The following ARHGAP39 variants were observed in gnomAD, a reference collection of about 807,000 sequenced individuals.
The protein encoded by ARHGAP39 is rho GTPase-activating protein 39.
A neutral mutation model predicts 106.9 loss-of-function variants in ARHGAP39; 44 were observed. The ratio of observed to expected loss-of-function variants is 0.41; its 90% CI spans 0.32 to 0.53. ARHGAP39 has a LOEUF of 0.53. Ranked by LOEUF, ARHGAP39 falls within the 20% of genes least tolerant of loss-of-function variation. The pLI is 0.21. For synonymous variants in ARHGAP39, 768 were observed against 693.2 expected (o/e 1.11, Z -1.69); for missense variants, 1,496 against 1,577.3 (o/e 0.95, Z 0.87).
In ARHGAP39 at chr8:144,624,307, A is replaced by T. The variant is rs1820884959; in HGVS notation, c.-81-18612T>A. Among the ~76,000 whole-genome samples, 3 of 152,140 alleles carry T rather than the reference A, an allele frequency of 2.0e-5. No individual in the cohort carries two copies. The South Asian group carries it at 6.2e-4, about 32-fold the overall frequency. ...TTGGGCTTGGACAAAACAATGAATC[A>T]TTAAATATATAAAATAATCATCGTC... On this transcript the variant is annotated intron_variant, in intron 1 of 11. Transcript: ENST00000377307.
chr8:144,617,628 C>T (rs1039286990), intron 1 of ARHGAP39, among the ~76,000 whole-genome samples: 1 of 151,104 alleles, frequency 6.6e-6, no homozygotes, highest in Middle Eastern at 3.5e-3. Flanking sequence ...CTCTGCCAGC[C>T]GCACCCGCTC....
chr8:144,689,627 G>A (rs1436599671), upstream of ARHGAP39, among the ~76,000 whole-genome samples: 1 of 150,236 alleles, frequency 6.7e-6, no homozygotes, highest in Non-Finnish European at 1.5e-5. Flanking sequence ...AGTAACATGG[G>A]GTTTCACCAT....
At chr8:144,615,539 G>A (rs566702305) in intron 1 of ARHGAP39, among the ~76,000 whole-genome samples, 46 of 152,254 alleles carry the variant, frequency 3.0e-4, no homozygotes, top group African/African-American at 1.1e-3. Flanking sequence ...CTTCCCGTCT[G>A]GCCGACACCC....
upstream of ARHGAP39, among the ~76,000 whole-genome samples, chr8:144,687,983 A>ACAC (rs1563739851): frequency 5.4e-5 from 8 of 147,948 alleles, no homozygotes; most frequent in African/African-American, 1.7e-4. Flanking sequence ...CCGTGACCAC[A>ACAC]TACTAGCGGT....
At chr8:144,577,909 G>A (rs1461069289) in intron 3 of ARHGAP39, among the ~76,000 whole-genome samples, 2 of 152,034 alleles carry the variant, frequency 1.3e-5, no homozygotes, top group African/African-American at 4.8e-5. Context: ...TCATGGATTA[G>A]AAAATTAATA....
Position 144,641,251 on chromosome 8 carries a change from C to T in ARHGAP39, c.-81-35556G>A, listed in dbSNP as rs1458732290. 6.6e-6 allele frequency among the ~76,000 whole-genome samples: 1 copy of T among 152,080 alleles called. No individual in the cohort carries two copies. Among genetic ancestry groups the T allele is most frequent in the Non-Finnish European group, 1.5e-5 (1 of 68,008 alleles). ...GACCCTGGGGCACCGGTCTCTGGCC[C>T]TCAAGGCACCAGAGGACGGGAAAGG... On this transcript the variant is annotated intron_variant, in intron 1 of 11. Transcript: ENST00000377307. This position sits in a 1 kb window ranked among gnomAD's most constrained non-coding sequence, Gnocchi z 5.2.
upstream of ARHGAP39, among the ~76,000 whole-genome samples, chr8:144,686,930 ACCATTTCCCACCCCTGTGACCACGCACTG>A (rs1563738895): frequency 2.8e-4 from 16 of 57,086 alleles, 1 homozygote; most frequent in African/African-American, 1.1e-3. Flanking sequence ...ACTGGCGGCG[ACCATTTCCCACCCCTGTGACCACGCACTG>A]GCGGCGAGCA....
At position 144,548,055 on chromosome 8, in the gene ARHGAP39, G is replaced by C. The variant is rs750662234; in HGVS notation, c.1031C>G (p.Ser344Cys). The C allele has an allele frequency of 6.3e-7, 1 of 1,598,400 alleles. No individual in the cohort carries two copies. The highest frequency in any genetic ancestry group is 1.1e-5 in the South Asian group (1 of 89,852). The change falls in exon 5 of 12, where the codon TCT (serine) becomes TGT (cysteine). Residue 344 changes from serine (S) to cysteine (C), a missense_variant. Physicochemically the swap from Ser to Cys is moderately radical, Grantham distance 112. Coordinates refer to ENST00000377307, the MANE Select transcript of ARHGAP39 (RefSeq NM_025251.3). The surrounding 1 kb of genome is among the most constrained non-coding windows in gnomAD (Gnocchi z 7.4). Reference sequence around the variant, plus strand: ...CTTACGGCCCGGCGACCGCTGGGGAGAGCCGGCCTGGTAGCCCCCGCCAGC... The same window carrying C: ...CTTACGGCCCGGCGACCGCTGGGGACAGCCGGCCTGGTAGCCCCCGCCAGC... ...FEAGGGYQAG[S>C]PQRSPGRKPR...
At chr8:144,688,105 C>CT (rs201473241), upstream of ARHGAP39, among the ~76,000 whole-genome samples, 4,422 of 140,196 alleles carry the variant, frequency 0.032, 133 homozygotes, top group African/African-American at 0.086. Flanking sequence ...ACATTTAACT[C>CT]TTTTTTTTTT....
chr8:144,692,497 A>G, the ARHGAP39 span, among the ~76,000 whole-genome samples: 1 of 152,214 alleles, frequency 6.6e-6, no homozygotes, highest in Non-Finnish European at 1.5e-5. Flanking sequence ...TACTTGCTTA[A>G]CTATAAATCC....
At chr8:144,578,394 A>G (rs1389775911) in intron 3 of ARHGAP39, among the ~76,000 whole-genome samples, 1 of 152,096 alleles carries the variant, frequency 6.6e-6, no homozygotes, top group East Asian at 1.9e-4. Flanking sequence ...ACTCCCAGCT[A>G]ATTTTGGTAC....
intron 6 of ARHGAP39, 57 bp from the exon 7 acceptor site, chr8:144,537,870 C>T (rs1817027468): frequency 1.3e-6 from 2 of 1,506,296 alleles, no homozygotes; most frequent in Middle Eastern, 1.7e-4. Flanking sequence ...AGCCAGCGCC[C>T]ACTCAGCTCC....
At chr8:144,631,553 T>C (rs765656624) in intron 1 of ARHGAP39, among the ~76,000 whole-genome samples, 2 of 152,242 alleles carry the variant, frequency 1.3e-5, no homozygotes, top group African/African-American at 4.8e-5. Flanking sequence ...AGAGTCTCTA[T>C]CTTCTGCAAG....
At chr8:144,580,151 C>T (rs116419529) in intron 3 of ARHGAP39, among the ~76,000 whole-genome samples, 4,254 of 152,180 alleles carry the variant, frequency 0.028, 195 homozygotes, top group African/African-American at 0.097. Flanking sequence ...TTTCTGAGGG[C>T]AGGGGTCTCC....
At chr8:144,576,332 C>CAAAAAAAAAAAAAAAAAAAAA (rs67038997) in intron 3 of ARHGAP39, among the ~76,000 whole-genome samples, 1 of 63,812 alleles carries the variant, frequency 1.6e-5, no homozygotes, top group Non-Finnish European at 3.0e-5. Flanking sequence ...GACTCCGTCT[C>CAAAAAAAAAAAAAAAAAAAAA]AAAAAAAAAA....
At chr8:144,611,131 C>G (rs928076194) in intron 1 of ARHGAP39, among the ~76,000 whole-genome samples, 2 of 152,250 alleles carry the variant, frequency 1.3e-5, no homozygotes, top group East Asian at 3.8e-4. Context: ...AGAAAGCTTT[C>G]TAACCTTTCT....
At chr8:144,540,506 T>A (rs187004774) in intron 6 of ARHGAP39, among the ~76,000 whole-genome samples, 2 of 152,228 alleles carry the variant, frequency 1.3e-5, no homozygotes, top group East Asian at 3.8e-4. Flanking sequence ...GTTGCTAGTA[T>A]ATAGAAATAT....
rs146706981 is a variant in ARHGAP39 at position 144,618,735 on chromosome 8, G to A, written c.-81-13040C>T. On this transcript the variant is annotated intron_variant, in intron 1 of 11. Transcript: ENST00000377307. ...AGCGGCTCCCTGCAACGTGGTACCC[G>A]GTTCTCGCATGGGAGGCGCAGTGCT... Among the ~76,000 whole-genome samples, 87 of 152,362 alleles carry A rather than the reference G, an allele frequency of 5.7e-4. No individual in the cohort carries two copies. In the Middle Eastern group the frequency reaches 0.01, roughly 18 times the overall value.
At chr8:144,619,825 A>C (rs1820744214) in intron 1 of ARHGAP39, among the ~76,000 whole-genome samples, 1 of 133,576 alleles carries the variant, frequency 7.5e-6, no homozygotes, top group African/African-American at 2.9e-5. Context: ...TGTGTCCCTG[A>C]GAGTGTGTGT....
Sources: allele counts gnomAD v4.1 joint callset (sites outside exome capture counted in the v4.1 genomes callset), GRCh38; gene constraint gnomAD v4.1.1; non-coding constraint Gnocchi (gnomAD v3.1); transcripts MANE v1.5; gene names NCBI Gene and HGNC (gene_info 2026-07-23, HGNC 2026-07-21).